Variants in SPECC1 observed in about 807,000 individuals in gnomAD.
The protein encoded by SPECC1 is cytospin-B.
Under a neutral mutation model 104.1 loss-of-function variants are expected in SPECC1, and 62 were observed. The observed-to-expected ratio is 0.60, with a 90% CI of 0.49 to 0.74. The LOEUF is 0.74. SPECC1 is among the 30% of genes least tolerant of loss of function. The pLI is 0.00. For synonymous variants in SPECC1, 513 were observed against 501.6 expected (o/e 1.02, Z -0.30); for missense variants, 1,306 against 1,310.5 (o/e 1.00, Z 0.05).
At chr17:20,281,197 C>T (rs1384598753) in intron 12 of SPECC1, among the ~76,000 whole-genome samples, 3 of 152,168 alleles carry the variant, frequency 2.0e-5, no homozygotes, top group African/African-American at 4.8e-5. Flanking sequence ...AATTAGCCTG[C>T]GGTGAAACTG....
At chr17:20,265,077 C>T (rs1176053474) in intron 12 of SPECC1, among the ~76,000 whole-genome samples, 1 of 152,148 alleles carries the variant, frequency 6.6e-6, no homozygotes, top group Non-Finnish European at 1.5e-5. Flanking sequence ...GTGAACAGTG[C>T]TGCAATGAAC....
intron 12 of SPECC1, among the ~76,000 whole-genome samples, chr17:20,285,213 T>C (rs1369195850): frequency 6.6e-6 from 1 of 152,234 alleles, no homozygotes; most frequent in Non-Finnish European, 1.5e-5. Flanking sequence ...GTGGTTTTGC[T>C]TTGCCCTGTC....
chr17:20,033,503 G>A (rs1456604105), intron 1 of SPECC1, among the ~76,000 whole-genome samples: 1 of 152,138 alleles, frequency 6.6e-6, no homozygotes, highest in African/African-American at 2.4e-5. Flanking sequence ...TTTGTAGGCT[G>A]TACAAGAAGC....
At chr17:20,244,355 C>T (rs903786444) in intron 7 of SPECC1, among the ~76,000 whole-genome samples, 10 of 152,182 alleles carry the variant, frequency 6.6e-5, no homozygotes, top group African/African-American at 2.4e-4. Context: ...TTTTTGCCAC[C>T]TGATTTTATT....
chr17:20,163,525 C>T (rs2033359073), intron 3 of SPECC1, among the ~76,000 whole-genome samples: 1 of 151,170 alleles, frequency 6.6e-6, no homozygotes, highest in Non-Finnish European at 1.5e-5. Flanking sequence ...ATTCTTAAGT[C>T]CTCTTATATA....
intron 3 of SPECC1, chr17:20,156,229 G>A (rs2032494718): frequency 7.1e-7 from 1 of 1,404,670 alleles, no homozygotes; most frequent in Non-Finnish European, 9.3e-7. Flanking sequence ...CCGAGGATCC[G>A]GAACCAGGTC....
chr17:20,282,209 A>G (rs774788147), intron 12 of SPECC1, among the ~76,000 whole-genome samples: 7 of 152,252 alleles, frequency 4.6e-5, no homozygotes, highest in Non-Finnish European at 7.3e-5. Context: ...ACAGGGCCCC[A>G]GCTGCTCCTG....
chr17:20,046,053 A>G (rs1286028596), intron 1 of SPECC1, among the ~76,000 whole-genome samples: 2 of 150,776 alleles, frequency 1.3e-5, no homozygotes, highest in Admixed American at 1.3e-4. Flanking sequence ...ATTACTTCAC[A>G]CTTCCTGTAC....
intron 3 of SPECC1, among the ~76,000 whole-genome samples, chr17:20,163,217 C>T (rs2033333437): frequency 6.6e-6 from 1 of 152,096 alleles, no homozygotes; most frequent in South Asian, 2.1e-4. Context: ...TTATACGTTA[C>T]TTTGATTTTT....
chr17:20,093,888 G>A (rs2047523378), intron 1 of SPECC1, among the ~76,000 whole-genome samples: 1 of 151,678 alleles, frequency 6.6e-6, no homozygotes, highest in East Asian at 1.9e-4. Context: ...GTGTCACCAC[G>A]TCCCCCTAAT....
At chr17:20,267,150 T>G (rs2040243675) in intron 12 of SPECC1, among the ~76,000 whole-genome samples, 1 of 152,152 alleles carries the variant, frequency 6.6e-6, no homozygotes, top group Admixed American at 6.6e-5. Context: ...AGGAGGCCCT[T>G]CCTCACATTC....
At chr17:20,220,559 T>G (rs1209357496) in intron 4 of SPECC1, among the ~76,000 whole-genome samples, 5 of 10,976 alleles carry the variant, frequency 4.6e-4, no homozygotes, top group South Asian at 4.3e-3. Flanking sequence ...TTCTTAATAG[T>G]TTTTTTTTTT....
intron 12 of SPECC1, among the ~76,000 whole-genome samples, chr17:20,274,507 C>CTTTTT (rs1162367833): frequency 5.3e-5 from 7 of 131,460 alleles, no homozygotes; most frequent in Non-Finnish European, 1.2e-4. Context: ...TTTCTTTTTT[C>CTTTTT]TTTTTTTTTT....
chr17:20,162,148 T>TTA, intron 3 of SPECC1, among the ~76,000 whole-genome samples: 1 of 151,412 alleles, frequency 6.6e-6, no homozygotes, highest in East Asian at 2.0e-4. Flanking sequence ...TTTTATTTTT[T>TTA]TATATATATA....
In SPECC1 at chr17:20,314,445, CTGT is replaced by C. The variant is rs909072081; in HGVS notation, c.*385_*387del. The C allele has an allele frequency of 2.7e-5, 8 of 295,306 alleles. No homozygotes were observed. The highest frequency in any genetic ancestry group is 5.2e-5 in the Non-Finnish European group (8 of 152,588). The allele number at this position is 295,306 out of a possible 1,614,324, so 18.3% of individuals were successfully genotyped here. On this transcript the variant is annotated 3_prime_UTR_variant, in exon 15 of 15. Transcript: ENST00000395527. Reference sequence around the variant, plus strand: ...CATCTCCAAATCAGTCTTTTGGTTGCTGTTGTTAAAAATATCCCGGCTTTGCCT... The same window carrying C: ...CATCTCCAAATCAGTCTTTTGGTTGCTGTTAAAAATATCCCGGCTTTGCCT...
intron 1 of SPECC1, among the ~76,000 whole-genome samples, chr17:20,021,903 C>CT (rs906839872): frequency 6.8e-6 from 1 of 147,888 alleles, no homozygotes. Flanking sequence ...CAGTCTCTCT[C>CT]TTTTTATTTA....
intron 1 of SPECC1, among the ~76,000 whole-genome samples, chr17:20,051,060 TTC>T (rs2045723471): frequency 7.8e-6 from 1 of 128,582 alleles, no homozygotes; most frequent in African/African-American, 2.7e-5. Context: ...CTTTCTTTCT[TTC>T]TTTCTTTTTC....
intron 14 of SPECC1, among the ~76,000 whole-genome samples, chr17:20,307,712 C>T (rs1433978146): frequency 6.6e-6 from 1 of 152,128 alleles, no homozygotes; most frequent in African/African-American, 2.4e-5. Flanking sequence ...AGACAATGGC[C>T]ATGTCCCATG....
At chr17:20,196,961 C>T (rs1390557108) in intron 3 of SPECC1, among the ~76,000 whole-genome samples, 1 of 152,128 alleles carries the variant, frequency 6.6e-6, no homozygotes, top group Admixed American at 6.5e-5. Flanking sequence ...TTTTGTTTTG[C>T]TTTCAAAATA....
Sources: gnomAD v4.1 joint callset for allele counts (sites outside exome capture counted in the v4.1 genomes callset) on GRCh38, gnomAD v4.1.1 for gene constraint, MANE v1.5 for transcripts, NCBI Gene and HGNC (gene_info 2026-07-23, HGNC 2026-07-21) for gene names.